Variants in FBXL7 observed in about 807,000 individuals in gnomAD.
The protein encoded by FBXL7 is F-box/LRR-repeat protein 7.
FBXL7 carries 12 observed loss-of-function variants against 38.3 expected under a neutral mutation model. The ratio of observed to expected loss-of-function variants is 0.31; its 90% CI spans 0.20 to 0.51. The LOEUF (loss-of-function observed/expected upper bound fraction) is 0.51, where lower values mean the gene tolerates loss of function less well. Ranked by LOEUF, FBXL7 falls within the 20% of genes least tolerant of loss-of-function variation. The pLI, the probability that FBXL7 is intolerant of heterozygous loss-of-function variation, is 0.98. For missense variants in FBXL7, 567 were observed against 676.4 expected (o/e 0.84, Z 1.79); for synonymous variants, 297 against 300.9 (o/e 0.99, Z 0.13).
intron 2 of FBXL7, among the ~76,000 whole-genome samples, chr5:15,700,652 A>G (rs1352705947): frequency 6.6e-6 from 1 of 152,238 alleles, no homozygotes; most frequent in African/African-American, 2.4e-5. Context: ...TGAGTTGCAG[A>G]TAGAGTGGAA....
At chr5:15,705,026 C>T (rs1471259709) in intron 2 of FBXL7, among the ~76,000 whole-genome samples, 1 of 151,758 alleles carries the variant, frequency 6.6e-6, no homozygotes, top group Non-Finnish European at 1.5e-5. Flanking sequence ...TTTAAAATGG[C>T]TTGAAAGAAC....
chr5:15,778,847 T>C (rs1736923156), intron 2 of FBXL7, among the ~76,000 whole-genome samples: 1 of 152,104 alleles, frequency 6.6e-6, no homozygotes, highest in African/African-American at 2.4e-5. Context: ...AAAATGATCA[T>C]GAAATTGATC....
intron 2 of FBXL7, among the ~76,000 whole-genome samples, chr5:15,886,266 T>C (rs1158361198): frequency 6.6e-6 from 1 of 152,020 alleles, no homozygotes; most frequent in African/African-American, 2.4e-5. Flanking sequence ...TGTGTGTGCA[T>C]GAATGCATGT....
chr5:15,755,442 T>C (rs916316867), intron 2 of FBXL7, among the ~76,000 whole-genome samples: 8 of 152,130 alleles, frequency 5.3e-5, no homozygotes, highest in East Asian at 1.9e-4. Context: ...CTCTCTCTCT[T>C]TCTCTCTGTG....
At chr5:15,815,803 T>C (rs1737998012) in intron 2 of FBXL7, among the ~76,000 whole-genome samples, 1 of 152,180 alleles carries the variant, frequency 6.6e-6, no homozygotes, top group Non-Finnish European at 1.5e-5. Flanking sequence ...TGAGGGTGTT[T>C]TTAGTAAGGT....
chr5:15,682,569 T>C (rs1742874968), intron 2 of FBXL7, among the ~76,000 whole-genome samples: 1 of 152,246 alleles, frequency 6.6e-6, no homozygotes, highest in African/African-American at 2.4e-5. Flanking sequence ...TTTCAGCTTT[T>C]AAGTTTTATT....
intron 2 of FBXL7, among the ~76,000 whole-genome samples, chr5:15,677,735 A>G (rs1742710406): frequency 6.6e-6 from 1 of 152,176 alleles, no homozygotes; most frequent in Non-Finnish European, 1.5e-5. Flanking sequence ...CTCAGGATAT[A>G]TCTTAGGCTA....
At chr5:15,510,084 C>T (rs1736754289) in intron 1 of FBXL7, among the ~76,000 whole-genome samples, 1 of 152,230 alleles carries the variant, frequency 6.6e-6, no homozygotes, top group Non-Finnish European at 1.5e-5. Flanking sequence ...TACATTTACT[C>T]ATTCTATCAG....
chr5:15,631,314 G>A (rs1184167729), intron 2 of FBXL7, among the ~76,000 whole-genome samples: 1 of 152,180 alleles, frequency 6.6e-6, no homozygotes, highest in African/African-American at 2.4e-5. Flanking sequence ...ACATGTACAT[G>A]TGAGGACGTC....
chr5:15,884,696 A>C (rs2126349311), intron 2 of FBXL7, among the ~76,000 whole-genome samples: 1 of 152,314 alleles, frequency 6.6e-6, no homozygotes, highest in Non-Finnish European at 1.5e-5. Flanking sequence ...AGTGGAGAAA[A>C]CACAGCTTTC....
At chr5:15,869,712 A>C (rs550552812) in intron 2 of FBXL7, among the ~76,000 whole-genome samples, 1 of 152,266 alleles carries the variant, frequency 6.6e-6, no homozygotes, top group African/African-American at 2.4e-5. Context: ...TTTTGTCATG[A>C]AGTGTTTAAA....
chr5:15,704,771 C>T (rs962662503), intron 2 of FBXL7, among the ~76,000 whole-genome samples: 1 of 152,154 alleles, frequency 6.6e-6, no homozygotes, highest in Non-Finnish European at 1.5e-5. Flanking sequence ...AGTGAAATCA[C>T]ATGCATGAAA....
chr5:15,653,828 A>G (rs1369147546), intron 2 of FBXL7, among the ~76,000 whole-genome samples: 1 of 152,164 alleles, frequency 6.6e-6, no homozygotes. Flanking sequence ...TAATCTCATC[A>G]TTTCCCTTGG....
chr5:15,510,221 C>T (rs1206877902), intron 1 of FBXL7, among the ~76,000 whole-genome samples: 1 of 152,148 alleles, frequency 6.6e-6, no homozygotes, highest in African/African-American at 2.4e-5. Flanking sequence ...TTTTTGTTTG[C>T]TACCCTTTCT....
chr5:15,735,971 G>T (rs936836362), intron 2 of FBXL7, among the ~76,000 whole-genome samples: 12 of 152,194 alleles, frequency 7.9e-5, no homozygotes, highest in Admixed American at 3.3e-4. Context: ...TTGTTAAAGC[G>T]AGAGCAGGAC....
At position 15,620,413 on chromosome 5, in the gene FBXL7, G is replaced by GT. The variant is rs1222509010; in HGVS notation, c.127+4356dup. On this transcript the variant is annotated intron_variant, in intron 2 of 3. Transcript: ENST00000504595. ...ACGCCCAGCTAATTTTTTGTTTTTT[G>GT]TTTTTTTTTTTTTTTAAGTAGAAAC... is the stretch of plus-strand genomic sequence containing the variant. Among the ~76,000 whole-genome samples, 740 of 95,160 alleles carry GT rather than the reference G, an allele frequency of 7.8e-3. 3 individuals are homozygous for GT. Among genetic ancestry groups the GT allele is most frequent in the Middle Eastern group, 0.044 (8 of 180 alleles). The allele number at this position is 95,160 out of a possible 152,430, so 62.4% of individuals were successfully genotyped here. A position where few individuals can be genotyped will look rare whatever the true frequency, so the allele number is the denominator to read the frequency against.
At chr5:15,666,328 C>T (rs1290371480) in intron 2 of FBXL7, among the ~76,000 whole-genome samples, 1 of 152,124 alleles carries the variant, frequency 6.6e-6, no homozygotes, top group Non-Finnish European at 1.5e-5. Context: ...GTGTGCAATT[C>T]AGTGGTAGTA....
intron 2 of FBXL7, among the ~76,000 whole-genome samples, chr5:15,706,995 G>A (rs186579401): frequency 2.0e-5 from 3 of 152,080 alleles, no homozygotes; most frequent in Non-Finnish European, 4.4e-5. Flanking sequence ...ATGGACAGCA[G>A]TGGAGAGTCA....
intron 2 of FBXL7, among the ~76,000 whole-genome samples, chr5:15,628,769 T>G (rs1259059073): frequency 6.6e-6 from 1 of 152,216 alleles, no homozygotes; most frequent in East Asian, 1.9e-4. Flanking sequence ...ATTATTCCCA[T>G]TATTAAAAAT....
Sources: allele counts gnomAD v4.1 joint callset (sites outside exome capture counted in the v4.1 genomes callset), GRCh38; gene constraint gnomAD v4.1.1; transcripts MANE v1.5; gene names NCBI Gene and HGNC (gene_info 2026-07-23, HGNC 2026-07-21).